Variants in KDM4C observed in about 807,000 individuals in gnomAD.
KDM4C encodes the protein lysine-specific demethylase 4C.
KDM4C carries 81 observed loss-of-function variants against 129.3 expected under a neutral mutation model. The ratio of observed to expected loss-of-function variants is 0.63; its 90% CI spans 0.52 to 0.75. The LOEUF is 0.75. KDM4C is among the 30% of genes least tolerant of loss of function. The pLI, the probability that KDM4C is intolerant of heterozygous loss-of-function variation, is 0.00. For missense variants in KDM4C, 1,457 were observed against 1,304.0 expected (o/e 1.12, Z -1.81); for synonymous variants, 573 against 456.1 (o/e 1.26, Z -3.26).
chr9:6,940,265 A>AT (rs1234392703), intron 8 of KDM4C, among the ~76,000 whole-genome samples: 2 of 151,910 alleles, frequency 1.3e-5, no homozygotes, highest in East Asian at 3.9e-4. Flanking sequence ...TAATTTTTGT[A>AT]TTTTTTGTAG....
chr9:6,817,161 G>T, intron 4 of KDM4C, among the ~76,000 whole-genome samples: 1 of 150,342 alleles, frequency 6.7e-6, no homozygotes. Flanking sequence ...AAAGTTGAAT[G>T]GATATAGATG....
intron 3 of KDM4C, among the ~76,000 whole-genome samples, chr9:6,811,255 G>T (rs1215606130): frequency 6.6e-6 from 1 of 152,126 alleles, no homozygotes; most frequent in Non-Finnish European, 1.5e-5. Flanking sequence ...CTGGGTTCAA[G>T]TGATTCTCCT....
intron 17 of KDM4C, among the ~76,000 whole-genome samples, chr9:7,065,988 C>G (rs1429855452): frequency 2.0e-5 from 2 of 102,180 alleles, no homozygotes; most frequent in African/African-American, 6.4e-5. Context: ...GGAGGGGTAA[C>G]AGCTTTAAAA....
chr9:6,929,250 T>G (rs1823208637), intron 8 of KDM4C, among the ~76,000 whole-genome samples: 1 of 152,216 alleles, frequency 6.6e-6, no homozygotes, highest in Non-Finnish European at 1.5e-5. Flanking sequence ...AGACACATGT[T>G]TAGCTATAGC....
intron 19 of KDM4C, among the ~76,000 whole-genome samples, chr9:7,137,968 A>C (rs1841384427): frequency 6.6e-6 from 1 of 152,256 alleles, no homozygotes; most frequent in African/African-American, 2.4e-5. Context: ...TTGATGAGCA[A>C]CATTACCTTC....
In KDM4C at chr9:7,016,786, C is replaced by T. The variant is rs535569585; in HGVS notation, c.2259+857C>T. Among the ~76,000 whole-genome samples the T allele has an allele frequency of 2.8e-4, 43 of 152,188 alleles. No homozygotes were observed. In the South Asian group the frequency reaches 8.1e-3, roughly 29 times the overall value. On this transcript the variant is annotated intron_variant, in intron 15 of 21. Coordinates refer to ENST00000381309, the MANE Select transcript of KDM4C (RefSeq NM_015061.6). ...GAAGCTGCAGGGACTGTCAATTTAT[C>T]GTGTCCACATTTACATTTTCAAGGC... is the stretch of plus-strand genomic sequence containing the variant.
intron 2 of KDM4C, among the ~76,000 whole-genome samples, chr9:6,804,737 A>G (rs1262191455): frequency 1.4e-4 from 21 of 150,980 alleles, no homozygotes; most frequent in Middle Eastern, 3.4e-3. Context: ...CCAGCCGAGT[A>G]ACAGAGTGAG....
At chr9:6,770,127 T>C (rs1271587435) in intron 1 of KDM4C, among the ~76,000 whole-genome samples, 1 of 151,478 alleles carries the variant, frequency 6.6e-6, no homozygotes, top group Non-Finnish European at 1.5e-5. Flanking sequence ...TGCAGTGAGC[T>C]GAGATTGTGC....
intron 17 of KDM4C, among the ~76,000 whole-genome samples, chr9:7,100,660 A>G (rs538647359): frequency 1.3e-5 from 2 of 152,300 alleles, no homozygotes; most frequent in East Asian, 1.9e-4. Context: ...TAGAAACATC[A>G]TGTTAAAAAC....
At chr9:7,065,649 C>T (rs577584034) in intron 17 of KDM4C, among the ~76,000 whole-genome samples, 15 of 152,170 alleles carry the variant, frequency 9.9e-5, no homozygotes, top group African/African-American at 3.4e-4. Flanking sequence ...ATGAATTGAC[C>T]GTGTCAAAAT....
At chr9:6,916,758 A>T (rs1358442156) in intron 8 of KDM4C, among the ~76,000 whole-genome samples, 2 of 152,288 alleles carry the variant, frequency 1.3e-5, no homozygotes, top group Admixed American at 1.3e-4. Context: ...AATGTTGCAT[A>T]CTTACTAAGA....
upstream of KDM4C, among the ~76,000 whole-genome samples, chr9:6,753,730 T>C (rs1198749809): frequency 6.6e-6 from 1 of 152,204 alleles, no homozygotes; most frequent in African/African-American, 2.4e-5. Flanking sequence ...AACCCATTCC[T>C]GCAGTTACGG....
chr9:6,847,322 T>C (rs1348937718), intron 4 of KDM4C, among the ~76,000 whole-genome samples: 1 of 152,176 alleles, frequency 6.6e-6, no homozygotes, highest in Non-Finnish European at 1.5e-5. Flanking sequence ...TCGCTATAAA[T>C]AGAATGAGAT....
At chr9:6,775,930 CT>C (rs1822934682) in intron 1 of KDM4C, among the ~76,000 whole-genome samples, 1 of 152,178 alleles carries the variant, frequency 6.6e-6, no homozygotes, top group Admixed American at 6.6e-5. Flanking sequence ...GCAACTTGAA[CT>C]CTTCCTCTTG....
chr9:6,786,544 A>G (rs72699667), intron 1 of KDM4C, among the ~76,000 whole-genome samples: 12,163 of 152,244 alleles, frequency 0.08, 689 homozygotes, highest in South Asian at 0.23. Flanking sequence ...AAAAATGATT[A>G]TCACCTTCAG....
At chr9:7,020,365 A>G (rs774144158) in intron 15 of KDM4C, among the ~76,000 whole-genome samples, 4 of 152,140 alleles carry the variant, frequency 2.6e-5, no homozygotes, top group Non-Finnish European at 5.9e-5. Context: ...GCCTTACCCT[A>G]TTTCAGTATT....
intron 17 of KDM4C, among the ~76,000 whole-genome samples, chr9:7,068,333 T>G (rs1044452566): frequency 1.3e-5 from 2 of 152,246 alleles, no homozygotes; most frequent in Non-Finnish European, 2.9e-5. Context: ...TTTGCTTATT[T>G]TCCGCACTTA....
chr9:6,889,740 C>T (rs919291950), intron 7 of KDM4C, among the ~76,000 whole-genome samples: 1 of 152,238 alleles, frequency 6.6e-6, no homozygotes, highest in Non-Finnish European at 1.5e-5. Context: ...CAAAATCCTT[C>T]TCTGTTCCTT....
chr9:6,858,733 C>G (rs1390055086), intron 5 of KDM4C, among the ~76,000 whole-genome samples: 4 of 151,670 alleles, frequency 2.6e-5, no homozygotes, highest in Non-Finnish European at 5.9e-5. Context: ...CATCGTGTCA[C>G]TGCACTCCAG....
Sources: allele counts gnomAD v4.1 joint callset (sites outside exome capture counted in the v4.1 genomes callset), GRCh38; gene constraint gnomAD v4.1.1; transcripts MANE v1.5; gene names NCBI Gene and HGNC (gene_info 2026-07-23, HGNC 2026-07-21).